Variants in SIPA1L2 observed in about 807,000 individuals in gnomAD.
SIPA1L2 encodes the protein signal-induced proliferation-associated 1-like protein 2.
Under a neutral mutation model 163.9 loss-of-function variants are expected in SIPA1L2, and 56 were observed. The ratio of observed to expected loss-of-function variants is 0.34; its 90% confidence interval spans 0.28 to 0.43. The LOEUF is 0.43. Ranked by LOEUF, SIPA1L2 falls within the 20% of genes least tolerant of loss-of-function variation. SIPA1L2 has a pLI of 1.00. For synonymous variants in SIPA1L2, 877 were observed against 865.7 expected (o/e 1.01, Z -0.23); for missense variants, 1,974 against 2,193.5 (o/e 0.90, Z 2.00).
At chr1:232,513,362 G>A (rs752755832) in intron 3 of SIPA1L2, among the ~76,000 whole-genome samples, 1 of 152,188 alleles carries the variant, frequency 6.6e-6, no homozygotes, top group Non-Finnish European at 1.5e-5. Flanking sequence ...GTCTGTTGTG[G>A]TAATTCAGGC....
Position 232,403,543 on chromosome 1 carries a change from C to T in SIPA1L2, c.4845G>A (p.Leu1615=), listed in dbSNP as rs1425267425. 6.2e-7 allele frequency: 1 copy of T among 1,614,010 alleles called. No homozygotes were observed. Among genetic ancestry groups the T allele is most frequent in the African/African-American group, 1.3e-5 (1 of 75,050 alleles). The change falls in exon 21 of 23, where the codon CTG becomes CTA. Residue 1615 remains leucine (L), a synonymous_variant. Coordinates refer to ENST00000674635, the MANE Select transcript of SIPA1L2 (RefSeq NM_020808.5). ...LDQRVASFCT[L]TDMQHGQDLE... is the part of the protein sequence containing the mutation. ...GGTCCTGCCCATGCTGCATATCTGT[C>T]AGGGTGCAGAAGGATGCCACCCTCT...
In SIPA1L2 at chr1:232,450,429, T is replaced by C. The variant is rs1663503546; in HGVS notation, c.3096-4643A>G. On this transcript the variant is annotated intron_variant, in intron 10 of 22. Coordinates refer to ENST00000674635, the MANE Select transcript of SIPA1L2 (RefSeq NM_020808.5). The stretch of plus-strand genomic sequence containing the variant: ...AGAAATCAAGGGTCAGATATGACAG[T>C]AGATAATAAAACATGAAGAAAACCT... Among the ~76,000 whole-genome samples the C allele has an allele frequency of 2.0e-5, 3 of 152,176 alleles. No individual in the cohort carries two copies. The South Asian group carries it at 6.2e-4, about 32-fold the overall frequency.
At chr1:232,479,528 C>T in intron 7 of SIPA1L2, 99 bp downstream of exon 7, 1 of 936,362 alleles carries the variant, frequency 1.1e-6, no homozygotes, top group Non-Finnish European at 1.7e-6. Context: ...GAAAAACCCT[C>T]ACTGATTCTT....
chr1:232,403,298 C>T (rs1660452973), intron 21 of SIPA1L2, 150 bp downstream of exon 21: 2 of 1,022,276 alleles, frequency 2.0e-6, no homozygotes, highest in Admixed American at 2.5e-5. Context: ...CCAAGTAGTC[C>T]CACTCAGTCC....
At chr1:232,466,556 C>A (rs982959754) in intron 8 of SIPA1L2, among the ~76,000 whole-genome samples, 1 of 152,052 alleles carries the variant, frequency 6.6e-6, no homozygotes, top group Non-Finnish European at 1.5e-5. Context: ...TTTGGGAGGT[C>A]GAAGCGGGTG....
At chr1:232,517,995 T>C (rs1009279599) in intron 2 of SIPA1L2, among the ~76,000 whole-genome samples, 1 of 152,164 alleles carries the variant, frequency 6.6e-6, no homozygotes, top group Admixed American at 6.5e-5. Flanking sequence ...AGCGGTGAGC[T>C]ATGATCGCAC....
At position 232,455,516 on chromosome 1, in the gene SIPA1L2, C is replaced by T. The variant is rs573769518; in HGVS notation, c.3095+5371G>A. Among the ~76,000 whole-genome samples, 4 of 152,144 alleles carry T rather than the reference C, an allele frequency of 2.6e-5. No homozygotes were observed. The East Asian group carries it at 7.8e-4, about 30-fold the overall frequency. On this transcript the variant is annotated intron_variant, in intron 10 of 22. Transcript: ENST00000674635. Reference sequence around the variant, plus strand: ...CTAACACAGTGAAACCCCGTCTCTACTAAAAATACAAAACATTAGCCGGGC... The same window carrying T: ...CTAACACAGTGAAACCCCGTCTCTATTAAAAATACAAAACATTAGCCGGGC...
intron 2 of SIPA1L2, among the ~76,000 whole-genome samples, chr1:232,533,130 C>A (rs1049424006): frequency 6.6e-6 from 1 of 152,188 alleles, no homozygotes; most frequent in Non-Finnish European, 1.5e-5. Flanking sequence ...GTTAAAAACA[C>A]AAATTCCTTA....
intron 2 of SIPA1L2, among the ~76,000 whole-genome samples, chr1:232,517,458 G>T (rs754993646): frequency 1.3e-5 from 2 of 152,022 alleles, no homozygotes; most frequent in African/African-American, 4.8e-5. Context: ...CGCTCCACAG[G>T]GAAGCTCTGA....
At chr1:232,410,125 C>G (rs755583832) in intron 19 of SIPA1L2, among the ~76,000 whole-genome samples, 1 of 152,030 alleles carries the variant, frequency 6.6e-6, no homozygotes, top group Non-Finnish European at 1.5e-5. Flanking sequence ...AATTAAAGGG[C>G]ACGGTCTCAA....
chr1:232,478,553 T>G (rs748685189), intron 7 of SIPA1L2, among the ~76,000 whole-genome samples: 7 of 152,212 alleles, frequency 4.6e-5, no homozygotes, highest in Non-Finnish European at 8.8e-5. Context: ...CTGTGACAAT[T>G]AAATTTCACT....
chr1:232,405,315 C>G (rs912147818), intron 19 of SIPA1L2, among the ~76,000 whole-genome samples: 2 of 152,260 alleles, frequency 1.3e-5, no homozygotes, highest in African/African-American at 4.8e-5. Context: ...TGTCTTTCAA[C>G]TAATTCTGTA....
intron 8 of SIPA1L2, among the ~76,000 whole-genome samples, chr1:232,467,759 C>A (rs1468113917): frequency 6.6e-6 from 1 of 152,232 alleles, no homozygotes; most frequent in African/African-American, 2.4e-5. Flanking sequence ...TGCATTACTT[C>A]TTTGCATTAA....
intron 10 of SIPA1L2, among the ~76,000 whole-genome samples, chr1:232,458,099 T>C (rs1024780942): frequency 2.6e-5 from 4 of 152,306 alleles, no homozygotes; most frequent in Admixed American, 1.3e-4. Flanking sequence ...ACGTTGCTAC[T>C]AGGCAAATAG....
chr1:232,456,179 A>C (rs4649265), intron 10 of SIPA1L2, among the ~76,000 whole-genome samples: 11,902 of 152,266 alleles, frequency 0.078, 784 homozygotes, highest in Admixed American at 0.19. Context: ...TAAAAAAAGA[A>C]GGCTCACTTG....
intron 22 of SIPA1L2, among the ~76,000 whole-genome samples, chr1:232,400,538 C>A (rs1008134655): frequency 1.3e-5 from 2 of 152,262 alleles, no homozygotes; most frequent in South Asian, 4.1e-4. Context: ...CAGGCCAGAT[C>A]TCCACTACTT....
At chr1:232,597,713 A>AAG (rs1661353640) in intron 1 of SIPA1L2, among the ~76,000 whole-genome samples, 1 of 134,246 alleles carries the variant, frequency 7.4e-6, no homozygotes, top group Admixed American at 7.7e-5. Context: ...AAAAAAAAAA[A>AAG]AAGTAACAAG....
At chr1:232,478,378 A>G (rs1665151672) in intron 7 of SIPA1L2, among the ~76,000 whole-genome samples, 1 of 152,216 alleles carries the variant, frequency 6.6e-6, no homozygotes, top group South Asian at 2.1e-4. Context: ...TGGGGGTCAG[A>G]GGCCTGCTTT....
intron 1 of SIPA1L2, among the ~76,000 whole-genome samples, chr1:232,579,657 C>CT (rs1660267890): frequency 1.3e-5 from 2 of 152,224 alleles, no homozygotes; most frequent in Non-Finnish European, 2.9e-5. Context: ...TTCATGCAAT[C>CT]TAATCTAACC....
Sources: gnomAD v4.1 joint callset for allele counts (sites outside exome capture counted in the v4.1 genomes callset) on GRCh38, gnomAD v4.1.1 for gene constraint, MANE v1.5 for transcripts, NCBI Gene and HGNC (gene_info 2026-07-23, HGNC 2026-07-21) for gene names.